Variants in OSTN observed in about 807,000 individuals in gnomAD.
OSTN encodes osteocrin.
In OSTN, 9 loss-of-function variants were observed where a neutral mutation model predicts 12.0. That is an observed-to-expected ratio of 0.75 (90% CI 0.45 to 1.30). The LOEUF is 1.30. OSTN is among the 50% of genes most tolerant of loss of function. The pLI, the probability that OSTN is intolerant of heterozygous loss-of-function variation, is 0.00. For synonymous variants in OSTN, 59 were observed against 56.9 expected, an observed-to-expected ratio of 1.04 and a Z score of -0.16; for missense variants, 148 against 152.3, an observed-to-expected ratio of 0.97 and a Z score of 0.15.
At chr3:191,257,601 G>T (rs1041284984) in intron 4 of OSTN, among the ~76,000 whole-genome samples, 11 of 152,096 alleles carry the variant, frequency 7.2e-5, no homozygotes, top group Admixed American at 3.9e-4. Flanking sequence ...GAATCGAAAG[G>T]CTGTAATCAA....
chr3:191,218,956 A>G lies in OSTN; in HGVS notation c.312A>G (p.Lys104=), dbSNP rs1432291499. 7 of 1,611,132 alleles carry G rather than the reference A, an allele frequency of 4.3e-6. No homozygotes were observed. Among genetic ancestry groups the G allele is most frequent in the Non-Finnish European group, 5.9e-6 (7 of 1,178,992 alleles). Reference sequence around the variant, plus strand: ...CTGGCTCTGTAGATCACAAAGGTAAACAGAGGTAAGTGAACTCAGAAAAAG... The same window carrying G: ...CTGGCTCTGTAGATCACAAAGGTAAGCAGAGGTAAGTGAACTCAGAAAAAG... ...LSAGSVDHKG[K]QRKVVDHPKR... is the part of the protein sequence containing the mutation. Residue 104 remains lysine, a synonymous_variant, in exon 3 of 5, where the codon AAA becomes AAG. Transcript: ENST00000682035.
intron 3 of OSTN, among the ~76,000 whole-genome samples, chr3:191,221,383 A>G (rs1052685109): frequency 1.3e-5 from 2 of 152,066 alleles, no homozygotes; most frequent in African/African-American, 4.8e-5. Flanking sequence ...TGGAGGGCTC[A>G]GAAGAAGATA....
intron 2 of OSTN, 123 bp from the exon 3 acceptor site, chr3:191,218,624 A>G: frequency 1.3e-6 from 1 of 775,508 alleles, no homozygotes. Flanking sequence ...ACTTTGTCTC[A>G]AAAAAATTGT....
chr3:191,231,821 C>T (rs971321039), intron 3 of OSTN, among the ~76,000 whole-genome samples: 2 of 152,150 alleles, frequency 1.3e-5, no homozygotes, highest in Non-Finnish European at 2.9e-5. Context: ...AACTTTGTGT[C>T]ATATGTCACT....
At chr3:191,214,653 G>A (rs892269167) in intron 2 of OSTN, among the ~76,000 whole-genome samples, 1 of 151,870 alleles carries the variant, frequency 6.6e-6, no homozygotes, top group Admixed American at 6.6e-5. Context: ...TAAAGGGCTT[G>A]AAAATGCTAC....
At chr3:191,215,485 A>G (rs1251404883) in intron 2 of OSTN, among the ~76,000 whole-genome samples, 1 of 152,214 alleles carries the variant, frequency 6.6e-6, no homozygotes, top group East Asian at 1.9e-4. Flanking sequence ...CCAAAGTTTC[A>G]TCTGAGACAA....
chr3:191,220,687 T>C (rs1714740130), intron 3 of OSTN, among the ~76,000 whole-genome samples: 1 of 152,032 alleles, frequency 6.6e-6, no homozygotes, highest in South Asian at 2.1e-4. Flanking sequence ...AAGAAGAACA[T>C]CGGCATCCAA....
At chr3:191,258,380 T>C (rs1489148436) in intron 4 of OSTN, among the ~76,000 whole-genome samples, 1 of 152,122 alleles carries the variant, frequency 6.6e-6, no homozygotes, top group Non-Finnish European at 1.5e-5. Context: ...AAAAAGTGGA[T>C]GCAGTTAAAA....
chr3:191,262,725 A>C, intron 4 of OSTN, 141 bp from the exon 5 acceptor site: 2 of 533,328 alleles, frequency 3.8e-6, no homozygotes, highest in Admixed American at 6.6e-5. Flanking sequence ...TCTTCAAAAT[A>C]AAAAATTGCC....
intron 4 of OSTN, among the ~76,000 whole-genome samples, chr3:191,256,978 T>C (rs147081954): frequency 6.6e-6 from 1 of 152,050 alleles, no homozygotes; most frequent in African/African-American, 2.4e-5. Context: ...AGCCCAGAAA[T>C]TTGAAACGAG....
At chr3:191,244,371 A>G (rs1183235290) in intron 3 of OSTN, among the ~76,000 whole-genome samples, 2 of 151,756 alleles carry the variant, frequency 1.3e-5, no homozygotes, top group African/African-American at 4.8e-5. Context: ...TACTTTACTT[A>G]CAGAATATTT....
intron 4 of OSTN, among the ~76,000 whole-genome samples, chr3:191,258,300 GACAGA>G (rs1715721626): frequency 1.3e-5 from 2 of 152,148 alleles, no homozygotes; most frequent in Non-Finnish European, 2.9e-5. Context: ...CTGAGGTCAG[GACAGA>G]ACTCATTAAG....
intron 4 of OSTN, among the ~76,000 whole-genome samples, chr3:191,260,416 G>C (rs1001180846): frequency 1.3e-5 from 2 of 151,972 alleles, no homozygotes; most frequent in African/African-American, 4.8e-5. Flanking sequence ...CAGGCTAAGA[G>C]AGCAAAAGAC....
At chr3:191,224,982 A>G (rs973477919) in intron 3 of OSTN, among the ~76,000 whole-genome samples, 6 of 152,130 alleles carry the variant, frequency 3.9e-5, no homozygotes, top group Non-Finnish European at 8.8e-5. Flanking sequence ...AAAAATTAAC[A>G]ATGATGAAAG....
intron 3 of OSTN, among the ~76,000 whole-genome samples, chr3:191,219,351 A>G (rs1011458962): frequency 6.6e-6 from 1 of 152,238 alleles, no homozygotes; most frequent in African/African-American, 2.4e-5. Context: ...CCTGTGATGC[A>G]AACCGTTCCA....
In OSTN at chr3:191,220,560, T is replaced by C. The variant is rs574267063; in HGVS notation, c.317+1599T>C. ...GGAATGTAAATTAGTATAACAACTA[T>C]AGAGAACAGTTTAGAGGTTCCTCAG... On this transcript the variant is annotated intron_variant, in intron 3 of 4. Coordinates refer to ENST00000682035, the MANE Select transcript of OSTN (RefSeq NM_198184.2). Among the ~76,000 whole-genome samples, 9 of 152,250 alleles carry C rather than the reference T, an allele frequency of 5.9e-5. No homozygotes were observed. In the South Asian group the frequency reaches 1.0e-3, roughly 18 times the overall value.
rs532721168 is a variant in OSTN at position 191,237,904 on chromosome 3, G to A, written c.318-12133G>A. Among the ~76,000 whole-genome samples, 8 of 152,288 alleles carry A rather than the reference G, an allele frequency of 5.3e-5. No individual in the cohort carries two copies. In the East Asian group the frequency reaches 5.8e-4, roughly 11 times the overall value. On this transcript the variant is annotated intron_variant, in intron 3 of 4. Transcript: ENST00000682035. ...ATGCCCCAGTACAGCTCTATGCACT[G>A]TAACAACAGGTTCAGGCTAAAGTTG...
intron 3 of OSTN, among the ~76,000 whole-genome samples, chr3:191,246,574 C>A (rs1306173987): frequency 4.7e-5 from 7 of 149,498 alleles, no homozygotes; most frequent in South Asian, 2.1e-4. Context: ...CACTGCACTC[C>A]AGCCTGGGTG....
In OSTN at chr3:191,217,006, TACTGCTATAAAGA is replaced by T. The variant is rs1417016749; in HGVS notation, c.103-1735_103-1723del. The T allele has an allele frequency of 2.9e-4, 44 of 152,334 alleles. 1 individual carries two copies. The highest frequency in any genetic ancestry group is 1.0e-3 in the African/African-American group (43 of 41,564). 9.4% of individuals were successfully genotyped at this position (152,334 alleles called of 1,614,324 possible). ...AATTTACTGTATTAGTCCATTTTCA[TACTGCTATAAAGA>T]ACTGCCCAACAGTGTGTTATTTATA... On this transcript the variant is annotated intron_variant, in intron 2 of 4. Transcript: ENST00000682035.
Sources: gnomAD v4.1 joint callset for allele counts (sites outside exome capture counted in the v4.1 genomes callset) on GRCh38, gnomAD v4.1.1 for gene constraint, MANE v1.5 for transcripts, NCBI Gene and HGNC (gene_info 2026-07-23, HGNC 2026-07-21) for gene names.